Variants in GPC6 observed in about 807,000 individuals in gnomAD.
The protein encoded by GPC6 is glypican-6.
In GPC6, 14 loss-of-function variants were observed where a neutral mutation model predicts 55.2. That is an observed-to-expected ratio of 0.25 (90% CI 0.17 to 0.40). The LOEUF is 0.40. Among genes scored for constraint, GPC6 ranks in the 10% least tolerant of loss-of-function variants. The pLI is 1.00. For missense variants in GPC6, 641 were observed against 708.5 expected (o/e 0.90, Z 1.08); for synonymous variants, 278 against 259.6 (o/e 1.07, Z -0.68).
At chr13:93,914,402 A>C (rs1566600968) in intron 3 of GPC6, among the ~76,000 whole-genome samples, 17 of 152,160 alleles carry the variant, frequency 1.1e-4, no homozygotes. Flanking sequence ...TTAACTCATC[A>C]TTTTTTATGG....
chr13:93,831,864 G>A (rs1594499587), intron 3 of GPC6, among the ~76,000 whole-genome samples: 1 of 150,680 alleles, frequency 6.6e-6, no homozygotes, highest in Middle Eastern at 3.4e-3. Context: ...GTTGAGGCGG[G>A]CAGATCTCGA....
At chr13:93,902,125 A>G (rs967604035) in intron 3 of GPC6, among the ~76,000 whole-genome samples, 1 of 152,028 alleles carries the variant, frequency 6.6e-6, no homozygotes, top group Admixed American at 6.6e-5. Flanking sequence ...ATTGTTTTCC[A>G]TAGTCATCCT....
chr13:93,407,856 A>T (rs1053860127), intron 1 of GPC6, among the ~76,000 whole-genome samples: 6 of 152,192 alleles, frequency 3.9e-5, no homozygotes, highest in Admixed American at 1.3e-4. Flanking sequence ...CTGTGTAAAG[A>T]TTAATTTCCT....
intron 1 of GPC6, among the ~76,000 whole-genome samples, chr13:93,535,031 T>G (rs2139418271): frequency 6.6e-6 from 1 of 152,274 alleles, no homozygotes; most frequent in South Asian, 2.1e-4. Context: ...CCAATAAAGA[T>G]TTGATGAATA....
At chr13:94,106,119 A>G (rs1886043606) in intron 4 of GPC6, among the ~76,000 whole-genome samples, 1 of 35,928 alleles carries the variant, frequency 2.8e-5, no homozygotes, top group Non-Finnish European at 5.2e-5. Context: ...CCCACGACCA[A>G]GAGTTATCCA....
chr13:94,021,223 TAGAAACA>T, intron 3 of GPC6, among the ~76,000 whole-genome samples: 1 of 151,866 alleles, frequency 6.6e-6, no homozygotes, highest in Non-Finnish European at 1.5e-5. Flanking sequence ...ATGATTTTCA[TAGAAACA>T]AGCATCTGCT....
intron 4 of GPC6, among the ~76,000 whole-genome samples, chr13:94,085,339 A>C (rs935096577): frequency 7.5e-6 from 1 of 132,570 alleles, no homozygotes; most frequent in East Asian, 2.4e-4. Flanking sequence ...AAAAAAAAAA[A>C]AAAAAGGGAA....
At chr13:93,228,881 T>C (rs964372425) in intron 1 of GPC6, among the ~76,000 whole-genome samples, 2 of 152,202 alleles carry the variant, frequency 1.3e-5, no homozygotes, top group Admixed American at 6.5e-5. Context: ...TATTTTCTTA[T>C]GATTTTCAAG....
intron 4 of GPC6, among the ~76,000 whole-genome samples, chr13:94,126,064 G>T (rs540395817): frequency 6.6e-6 from 1 of 152,028 alleles, no homozygotes; most frequent in Non-Finnish European, 1.5e-5. Flanking sequence ...CAACCAAGGC[G>T]AGATTAAGAC....
chr13:94,380,080 C>T (rs9584219), intron 6 of GPC6, among the ~76,000 whole-genome samples: 8,395 of 152,196 alleles, frequency 0.055, 762 homozygotes, highest in African/African-American at 0.19. Flanking sequence ...ACCTGTGGGG[C>T]GGCATGCAAC....
At chr13:93,879,917 C>T (rs1206014404) in intron 3 of GPC6, among the ~76,000 whole-genome samples, 1 of 151,322 alleles carries the variant, frequency 6.6e-6, no homozygotes, top group East Asian at 1.9e-4. Flanking sequence ...CATGAACAGA[C>T]ATTTCTCAAA....
intron 2 of GPC6, among the ~76,000 whole-genome samples, chr13:93,739,140 C>T (rs925962771): frequency 2.0e-5 from 3 of 152,076 alleles, no homozygotes; most frequent in Admixed American, 1.3e-4. Context: ...TAATATGGCC[C>T]GCAGTGCCTT....
intron 1 of GPC6, among the ~76,000 whole-genome samples, chr13:93,513,267 A>C (rs551029899): frequency 6.6e-6 from 1 of 152,330 alleles, no homozygotes; most frequent in East Asian, 1.9e-4. Flanking sequence ...AATCATTCTT[A>C]CCACCTCACC....
intron 2 of GPC6, among the ~76,000 whole-genome samples, chr13:93,687,498 T>C (rs1359885189): frequency 6.6e-6 from 1 of 152,152 alleles, no homozygotes; most frequent in Non-Finnish European, 1.5e-5. Flanking sequence ...TTTGGTGTGC[T>C]ATATTAAGTA....
intron 1 of GPC6, among the ~76,000 whole-genome samples, chr13:93,520,609 A>G (rs1353489178): frequency 1.3e-5 from 2 of 151,956 alleles, no homozygotes; most frequent in East Asian, 3.9e-4. Flanking sequence ...TTTTAAAAAT[A>G]TAATTAACAT....
intron 2 of GPC6, among the ~76,000 whole-genome samples, chr13:93,777,877 C>T (rs976359395): frequency 6.6e-6 from 1 of 152,024 alleles, no homozygotes. Context: ...TTTCTGTTGC[C>T]ATATTAAAAG....
At chr13:94,378,940 G>A (rs896295206) in intron 6 of GPC6, among the ~76,000 whole-genome samples, 11 of 151,948 alleles carry the variant, frequency 7.2e-5, no homozygotes, top group Non-Finnish European at 1.5e-4. Context: ...TTCCCATCTG[G>A]TGTGTTATTA....
intron 2 of GPC6, among the ~76,000 whole-genome samples, chr13:93,782,778 T>C (rs1426958791): frequency 6.6e-6 from 1 of 152,122 alleles, no homozygotes; most frequent in Non-Finnish European, 1.5e-5. Flanking sequence ...AATCAAATTA[T>C]ATATATACAT....
chr13:94,045,406 T>G (rs776286716), intron 4 of GPC6, among the ~76,000 whole-genome samples: 16 of 151,958 alleles, frequency 1.1e-4, no homozygotes, highest in Non-Finnish European at 2.2e-4. Context: ...TTTTTTTTAT[T>G]TAAAAAAATT....
Sources: gnomAD v4.1 joint callset for allele counts (sites outside exome capture counted in the v4.1 genomes callset) on GRCh38, gnomAD v4.1.1 for gene constraint, MANE v1.5 for transcripts, NCBI Gene and HGNC (gene_info 2026-07-23, HGNC 2026-07-21) for gene names.